Variants in PRKCE observed in about 807,000 individuals in gnomAD.
The protein encoded by PRKCE is protein kinase C epsilon.
In PRKCE, 16 loss-of-function variants were observed where a neutral mutation model predicts 85.4. The observed-to-expected ratio is 0.19, with a 90% CI of 0.13 to 0.28. The LOEUF (loss-of-function observed/expected upper bound fraction) is 0.28, where lower values mean the gene tolerates loss of function less well. Among genes scored for constraint, PRKCE ranks in the 10% least tolerant of loss-of-function variants. PRKCE has a pLI of 1.00. For missense variants in PRKCE, 573 were observed against 975.2 expected, an observed-to-expected ratio of 0.59 and a Z score of 5.49; for synonymous variants, 388 against 371.5, an observed-to-expected ratio of 1.04 and a Z score of -0.51.
At chr2:45,936,745 T>C (rs1047129201) in intron 2 of PRKCE, among the ~76,000 whole-genome samples, 2 of 152,256 alleles carry the variant, frequency 1.3e-5, no homozygotes, top group Non-Finnish European at 2.9e-5. Flanking sequence ...CTCATTTAAC[T>C]TGAGTTAAAG....
rs1677584798 is a variant in PRKCE, at chr2:46,159,873, C to T, written c.2067+121C>T. The stretch of plus-strand genomic sequence containing the variant: ...CGTATTACAGTAAAAATGACAAAGA[C>T]CAGAGGTGGCTGAGGCTCTCCCTAA... On this transcript the variant is annotated intron_variant, in intron 14 of 14. Transcript: ENST00000306156. The surrounding 1 kb of genome is among the most constrained non-coding windows in gnomAD (Gnocchi z 4.1). The T allele has an allele frequency of 5.3e-6, 7 of 1,308,706 alleles. No individual in the cohort carries two copies. Among genetic ancestry groups the T allele is most frequent in the Non-Finnish European group, 7.3e-6 (7 of 957,018 alleles). 81.1% of individuals were successfully genotyped at this position (1,308,706 alleles called of 1,614,324 possible).
intron 1 of PRKCE, among the ~76,000 whole-genome samples, chr2:45,744,416 TC>T (rs1682867681): frequency 9.9e-5 from 1 of 10,150 alleles, no homozygotes; most frequent in African/African-American, 1.9e-4. Context: ...TCTTTTCTTT[TC>T]TTTCTTTCTT....
intron 2 of PRKCE, among the ~76,000 whole-genome samples, chr2:45,955,089 G>T (rs1700880989): frequency 6.6e-6 from 1 of 151,564 alleles, no homozygotes; most frequent in Admixed American, 6.6e-5. Context: ...ACTCCATCAA[G>T]TACTCCATCA....
At chr2:46,069,300 A>G (rs1667877496) in intron 10 of PRKCE, among the ~76,000 whole-genome samples, 2 of 152,194 alleles carry the variant, frequency 1.3e-5, no homozygotes, top group African/African-American at 4.8e-5. Flanking sequence ...TGAAGTTGAA[A>G]TTACATGACT....
intron 10 of PRKCE, among the ~76,000 whole-genome samples, chr2:46,035,295 C>T (rs1043087298): frequency 1.3e-5 from 2 of 152,260 alleles, no homozygotes; most frequent in East Asian, 1.9e-4. Flanking sequence ...AAGGCCAGAG[C>T]CTTCTCTGTA....
chr2:45,959,649 A>G (rs1485612730), intron 2 of PRKCE, among the ~76,000 whole-genome samples: 1 of 152,138 alleles, frequency 6.6e-6, no homozygotes, highest in Non-Finnish European at 1.5e-5. Flanking sequence ...TTGATCTGAA[A>G]CTTTCTTCCT....
chr2:46,111,679 C>T (rs1242447330), intron 11 of PRKCE, among the ~76,000 whole-genome samples: 1 of 152,210 alleles, frequency 6.6e-6, no homozygotes, highest in Non-Finnish European at 1.5e-5. Context: ...TCTTTTATCA[C>T]TGAATGATAT....
chr2:45,969,514 C>G (rs889779381), intron 2 of PRKCE, among the ~76,000 whole-genome samples: 2 of 152,166 alleles, frequency 1.3e-5, no homozygotes, highest in African/African-American at 4.8e-5. Context: ...TCCGGCAACT[C>G]TGGTGTGCAG....
At chr2:46,023,682 C>T (rs1706871267) in intron 10 of PRKCE, among the ~76,000 whole-genome samples, 1 of 152,184 alleles carries the variant, frequency 6.6e-6, no homozygotes, top group Non-Finnish European at 1.5e-5. Flanking sequence ...GAGGAGGTCA[C>T]AAATTGGGGC....
chr2:45,991,773 A>T lies in PRKCE; in HGVS notation c.823+7093A>T, dbSNP rs1305925302. Among the ~76,000 whole-genome samples the T allele has an allele frequency of 3.9e-5, 6 of 152,234 alleles. No individual in the cohort carries two copies. In the East Asian group the frequency reaches 1.2e-3, roughly 29 times the overall value. On this transcript the variant is annotated intron_variant, in intron 6 of 14. Transcript: ENST00000306156. ...GAATTATACAAGGAGGGAATTACAT[A>T]AGGGCACTTTTACTTGTTTGCTTTA...
At chr2:45,679,511 A>G (rs139756831) in intron 1 of PRKCE, among the ~76,000 whole-genome samples, 2 of 152,190 alleles carry the variant, frequency 1.3e-5, no homozygotes, top group African/African-American at 4.8e-5. Flanking sequence ...TCTGTTTATA[A>G]TAAGTGCCAA....
chr2:46,097,923 G>C (rs1198476387), intron 11 of PRKCE, among the ~76,000 whole-genome samples: 1 of 152,194 alleles, frequency 6.6e-6, no homozygotes, highest in Admixed American at 6.5e-5. Flanking sequence ...AGAGAGGAGA[G>C]CCTGAGCTGG....
chr2:46,128,571 TTCTCCTGCTCAATC>T (rs756195106), intron 11 of PRKCE, among the ~76,000 whole-genome samples: 71 of 152,352 alleles, frequency 4.7e-4, no homozygotes, highest in Non-Finnish European at 9.6e-4. Flanking sequence ...AGACGTCACG[TTCTCCTGCTCAATC>T]TCAGGCATCT....
At position 46,139,930 on chromosome 2, in the gene PRKCE, C is replaced by T. The variant is rs1574576047; in HGVS notation, c.1593-5163C>T. 6.6e-6 allele frequency among the ~76,000 whole-genome samples: 1 copy of T among 152,018 alleles called. No homozygotes were observed. The highest frequency in any genetic ancestry group is 2.1e-4 in the South Asian group (1 of 4,826). On this transcript the variant is annotated intron_variant, in intron 11 of 14. Coordinates refer to ENST00000306156, the MANE Select transcript of PRKCE (RefSeq NM_005400.3). This position sits in a 1 kb window ranked among gnomAD's most constrained non-coding sequence, Gnocchi z 5.2. ...GCTTAAAAAATAGAAAGTAAATGTTCTCTTACAAAGGAAGAAAGTGAGAAT... is the reference window on the plus strand; with the variant it reads ...GCTTAAAAAATAGAAAGTAAATGTTTTCTTACAAAGGAAGAAAGTGAGAAT...
intron 1 of PRKCE, among the ~76,000 whole-genome samples, chr2:45,689,556 A>T (rs1490922738): frequency 1.3e-5 from 2 of 150,856 alleles, no homozygotes; most frequent in African/African-American, 4.8e-5. Flanking sequence ...TTAAGAAAAG[A>T]TTTAATTTAA....
chr2:45,743,124 T>C (rs1682718745), intron 1 of PRKCE, among the ~76,000 whole-genome samples: 1 of 151,962 alleles, frequency 6.6e-6, no homozygotes, highest in African/African-American at 2.4e-5. Context: ...GTGAGGGTAA[T>C]GGGGAGATGT....
intron 1 of PRKCE, among the ~76,000 whole-genome samples, chr2:45,835,582 A>G (rs955679450): frequency 2.8e-5 from 4 of 144,618 alleles, no homozygotes; most frequent in Non-Finnish European, 4.5e-5. Flanking sequence ...TGTTGCATGT[A>G]TCGGTAGTAT....
In PRKCE at chr2:46,124,305, A is replaced by G. The variant is rs930858288; in HGVS notation, c.1593-20788A>G. On this transcript the variant is annotated intron_variant, in intron 11 of 14. Transcript: ENST00000306156. ...GCACCACTGCACTCCAGCCTGGGCA[A>G]CAGAGCGAGACTGCATCTCAAACAA... is the stretch of plus-strand genomic sequence containing the variant. Among the ~76,000 whole-genome samples, 20 of 152,226 alleles carry G rather than the reference A, an allele frequency of 1.3e-4. 1 individual carries two copies. Among genetic ancestry groups the G allele is most frequent in the African/African-American group, 4.8e-4 (20 of 41,462 alleles).
intron 10 of PRKCE, among the ~76,000 whole-genome samples, chr2:46,021,838 G>A (rs769626316): frequency 6.6e-6 from 1 of 152,124 alleles, no homozygotes; most frequent in Non-Finnish European, 1.5e-5. Context: ...ACCTTTTTGT[G>A]TGTGTGTGTC....
Sources: gnomAD v4.1 joint callset for allele counts (sites outside exome capture counted in the v4.1 genomes callset) on GRCh38, gnomAD v4.1.1 for gene constraint, Gnocchi (gnomAD v3.1) non-coding constraint, MANE v1.5 for transcripts, NCBI Gene and HGNC (gene_info 2026-07-23, HGNC 2026-07-21) for gene names.